The following SYTL5 variants were observed in gnomAD, a reference collection of about 807,000 sequenced individuals.
SYTL5 encodes synaptotagmin-like protein 5.
Under a neutral mutation model 55.9 loss-of-function variants are expected in SYTL5, and 34 were observed. The observed-to-expected ratio is 0.61, with a 90% CI of 0.46 to 0.81. SYTL5 has a LOEUF of 0.81. Ranked by LOEUF, SYTL5 falls within the 30% of genes least tolerant of loss-of-function variation. The pLI, the probability that SYTL5 is intolerant of heterozygous loss-of-function variation, is 0.00. For synonymous variants in SYTL5, 221 were observed against 188.7 expected, an observed-to-expected ratio of 1.17 and a Z score of -1.40; for missense variants, 637 against 546.7, an observed-to-expected ratio of 1.17 and a Z score of -1.65.
chrX:38,099,199 A>G (rs1303893259), intron 9 of SYTL5, among the ~76,000 whole-genome samples: 1 of 111,327 alleles, frequency 9.0e-6, no homozygotes, highest in African/African-American at 3.2e-5. Flanking sequence ...CAAGGAAAAT[A>G]GCTGGAAAAG....
chrX:37,906,863 A>G, the SYTL5 span, among the ~76,000 whole-genome samples: 4 of 112,138 alleles, frequency 3.6e-5, no homozygotes, highest in Non-Finnish European at 5.6e-5. Context: ...TCTGTTTCTT[A>G]TAAGGATTTA....
At chrX:38,029,477 T>C (rs986299153) in intron 1 of SYTL5, among the ~76,000 whole-genome samples, 1 of 112,366 alleles carries the variant, frequency 8.9e-6, no homozygotes, top group African/African-American at 3.2e-5. Flanking sequence ...TAGTAAGCGA[T>C]TTTAATTATG....
chrX:37,996,516 T>A, the SYTL5 span, among the ~76,000 whole-genome samples: 1 of 112,494 alleles, frequency 8.9e-6, no homozygotes, highest in Non-Finnish European at 1.9e-5. Context: ...TGACTGTGGC[T>A]GCCAACCAGG....
intron 5 of SYTL5, among the ~76,000 whole-genome samples, chrX:38,076,158 G>A (rs951665962): frequency 8.0e-5 from 9 of 112,099 alleles, no homozygotes; most frequent in African/African-American, 2.9e-4. Context: ...TGGAGCTGCA[G>A]TCTAATAAGC....
chrX:37,986,321 G>C, the SYTL5 span, among the ~76,000 whole-genome samples: 2 of 110,609 alleles, frequency 1.8e-5, no homozygotes, highest in Middle Eastern at 4.2e-3. Context: ...AAGGGCTCAT[G>C]ACTCTAAGGG....
At chrX:37,913,099 G>T in the SYTL5 span, among the ~76,000 whole-genome samples, 1 of 111,634 alleles carries the variant, frequency 9.0e-6, no homozygotes, top group South Asian at 3.8e-4. Context: ...TTGAATGCAG[G>T]CATGATGCCT....
chrX:38,019,660 C>T (rs919058382), intron 1 of SYTL5, among the ~76,000 whole-genome samples: 1 of 111,375 alleles, frequency 9.0e-6, no homozygotes, highest in African/African-American at 3.3e-5. Flanking sequence ...GACAAAGTCT[C>T]ACTCTGTCGC....
the SYTL5 span, among the ~76,000 whole-genome samples, chrX:37,907,023 T>C: frequency 8.9e-6 from 1 of 112,277 alleles, no homozygotes; most frequent in Non-Finnish European, 1.9e-5. Flanking sequence ...GACTATTAAG[T>C]AAATACTAAT....
intron 10 of SYTL5, among the ~76,000 whole-genome samples, chrX:38,106,070 C>T (rs1364667999): frequency 1.8e-5 from 2 of 111,665 alleles, no homozygotes; most frequent in Non-Finnish European, 3.8e-5. Flanking sequence ...CTGATATGTC[C>T]TTGTTAAAGC....
chrX:38,031,643 A>C (rs1934955032), intron 1 of SYTL5, among the ~76,000 whole-genome samples: 1 of 112,571 alleles, frequency 8.9e-6, no homozygotes, highest in Admixed American at 9.4e-5. Context: ...GGGTGTAATG[A>C]TAACATAGTC....
At chrX:37,901,470 C>T in the SYTL5 span, among the ~76,000 whole-genome samples, 1 of 111,991 alleles carries the variant, frequency 8.9e-6, no homozygotes, top group South Asian at 3.7e-4. Flanking sequence ...AACTATCTAA[C>T]CGGAAAACAC....
At position 38,089,650 on chromosome X, in the gene SYTL5, C is replaced by T. The variant is rs1602385206; in HGVS notation, c.831+63C>T. ...TTCTCACACTGCTATAAAGAACTGC[C>T]AGAGATTGGGTAATTTATAAACAAA... is the stretch of plus-strand genomic sequence containing the variant. On this transcript the variant is annotated intron_variant, in intron 7 of 16. Coordinates refer to ENST00000297875, the MANE Select transcript of SYTL5 (RefSeq NM_138780.3). 3.5e-5 allele frequency: 38 copies of T among 1,074,302 alleles called. No homozygotes were observed. In the East Asian group the frequency reaches 1.2e-3, roughly 35 times the overall value. 88.5% of individuals were successfully genotyped at this position (1,074,302 alleles called of 1,213,427 possible). A position where few individuals can be genotyped will look rare whatever the true frequency, so the allele number is the denominator to read the frequency against.
chrX:38,050,130 T>C (rs1302936548), intron 2 of SYTL5, among the ~76,000 whole-genome samples: 1 of 112,010 alleles, frequency 8.9e-6, no homozygotes, highest in African/African-American at 3.3e-5. Flanking sequence ...AAAGATACTT[T>C]ATAAACTGTT....
chrX:38,039,285 T>C (rs779145667), intron 2 of SYTL5, among the ~76,000 whole-genome samples: 2 of 112,463 alleles, frequency 1.8e-5, no homozygotes, highest in East Asian at 5.5e-4. Flanking sequence ...AGCAAGTCAC[T>C]CAAATTTATT....
At chrX:37,946,341 C>T in the SYTL5 span, 1 of 150,529 alleles carries the variant, frequency 6.6e-6, no homozygotes. Context: ...TACTACTTGG[C>T]ACTATTTCTA....
At chrX:37,939,417 C>T in the SYTL5 span, among the ~76,000 whole-genome samples, 1 of 111,929 alleles carries the variant, frequency 8.9e-6, no homozygotes, top group African/African-American at 3.2e-5. Flanking sequence ...TCTATCCTTC[C>T]TCTGCTGTGC....
At chrX:37,909,373 A>G in the SYTL5 span, among the ~76,000 whole-genome samples, 1 of 112,524 alleles carries the variant, frequency 8.9e-6, no homozygotes, top group Non-Finnish European at 1.9e-5. Flanking sequence ...GGAGTAGATC[A>G]AGCTTGTCCA....
the SYTL5 span, chrX:37,946,229 C>T: frequency 8.6e-6 from 1 of 116,527 alleles, no homozygotes; most frequent in African/African-American, 3.3e-5. Flanking sequence ...TGTGTGGAAC[C>T]TATTATTTTA....
At chrX:37,898,679 A>G in the SYTL5 span, among the ~76,000 whole-genome samples, 1 of 112,307 alleles carries the variant, frequency 8.9e-6, no homozygotes, top group Non-Finnish European at 1.9e-5. Context: ...CATTTATTTT[A>G]TATCCTTCCT....
Sources: gnomAD v4.1 joint callset for allele counts (sites outside exome capture counted in the v4.1 genomes callset) on GRCh38, gnomAD v4.1.1 for gene constraint, MANE v1.5 for transcripts, NCBI Gene and HGNC (gene_info 2026-07-23, HGNC 2026-07-21) for gene names.